CES5A: variants seen among roughly 807,000 people sequenced by gnomAD.
The protein encoded by CES5A is carboxylesterase 5A, also known as carboxylesterase 5.
CES5A carries 67 observed loss-of-function variants against 62.9 expected under a neutral mutation model. The ratio of observed to expected loss-of-function variants is 1.07; its 90% CI spans 0.88 to 1.31. The LOEUF is 1.31. Among genes scored for constraint, CES5A ranks in the 50% most tolerant of loss-of-function variants. The pLI, the probability that CES5A is intolerant of heterozygous loss-of-function variation, is 0.00. For synonymous variants in CES5A, 296 were observed against 280.8 expected (o/e 1.05, Z -0.54); for missense variants, 748 against 708.5 (o/e 1.06, Z -0.63).
At chr16:55,892,484 T>C (rs1282649102) in intron 1 of CES5A, among the ~76,000 whole-genome samples, 1 of 152,226 alleles carries the variant, frequency 6.6e-6, no homozygotes, top group Non-Finnish European at 1.5e-5. Flanking sequence ...TTACAGAGTT[T>C]GACTCTTTTT....
At chr16:55,914,209 T>C (rs1597147987) in intron 1 of CES5A, among the ~76,000 whole-genome samples, 1 of 152,358 alleles carries the variant, frequency 6.6e-6, no homozygotes, top group South Asian at 2.1e-4. Context: ...ATATCACTTT[T>C]GTTCAGTTTC....
At chr16:55,923,866 T>G (rs1338885284) in intron 1 of CES5A, among the ~76,000 whole-genome samples, 1 of 151,846 alleles carries the variant, frequency 6.6e-6, no homozygotes, top group Non-Finnish European at 1.5e-5. Context: ...AAATTCAACA[T>G]CCCTTTATGA....
intron 1 of CES5A, among the ~76,000 whole-genome samples, chr16:55,894,813 C>G (rs1260779183): frequency 3.3e-5 from 5 of 152,122 alleles, no homozygotes; most frequent in African/African-American, 1.2e-4. Flanking sequence ...GCCTACAATG[C>G]AAGACAAATG....
chr16:55,929,733 G>A (rs550371392), upstream of CES5A, among the ~76,000 whole-genome samples: 52 of 152,314 alleles, frequency 3.4e-4, no homozygotes, highest in African/African-American at 1.2e-3. Flanking sequence ...AAGTGAGGTC[G>A]AATCATGAAA....
At chr16:55,919,286 C>T (rs1484780039) in intron 1 of CES5A, among the ~76,000 whole-genome samples, 1 of 152,240 alleles carries the variant, frequency 6.6e-6, no homozygotes, top group Admixed American at 6.5e-5. Context: ...CATATGAAGA[C>T]ATATAGTCAG....
chr16:55,950,661 A>G (rs866524034), intron 1 of CES5A, among the ~76,000 whole-genome samples: 21 of 152,068 alleles, frequency 1.4e-4, no homozygotes, highest in African/African-American at 5.1e-4. Flanking sequence ...GGAATTCCAG[A>G]AATTGGAAAT....
At chr16:55,862,076 A>G (rs2033362798) in intron 6 of CES5A, among the ~76,000 whole-genome samples, 1 of 151,496 alleles carries the variant, frequency 6.6e-6, no homozygotes, top group Non-Finnish European at 1.5e-5. Context: ...TTAAGGCCCA[A>G]CTCCTTCCCT....
At chr16:55,927,710 G>C (rs1374291262), upstream of CES5A, among the ~76,000 whole-genome samples, 6 of 152,084 alleles carry the variant, frequency 3.9e-5, no homozygotes, top group African/African-American at 1.4e-4. Context: ...AAAACAGTAT[G>C]GAGCTTTCTT....
chr16:55,936,034 G>C (rs2034371009), intron 2 of CES5A, among the ~76,000 whole-genome samples: 1 of 152,074 alleles, frequency 6.6e-6, no homozygotes, highest in African/African-American at 2.4e-5. Flanking sequence ...CCAAAGTAGG[G>C]AGCCCATGAG....
intron 10 of CES5A, among the ~76,000 whole-genome samples, 170 bp downstream of exon 10, chr16:55,852,711 G>A (rs778989977): frequency 5.9e-5 from 9 of 152,194 alleles, no homozygotes; most frequent in Non-Finnish European, 1.0e-4. Context: ...CTGAAAGGCA[G>A]GTGAATGACG....
intron 1 of CES5A, among the ~76,000 whole-genome samples, chr16:55,917,379 C>T (rs1771361594): frequency 6.6e-6 from 1 of 152,238 alleles, no homozygotes; most frequent in Admixed American, 6.5e-5. Context: ...CTGGGTGCTT[C>T]TAACTGAGGT....
rs1272054135 is a variant in CES5A at position 55,863,411 on chromosome 16, G to A, written c.747C>T (p.Ile249=). ...GGATGATGGCCACCCCACTCTCCAT[G>A]ATGGCTTTGTGGAATAAGCCTTTGG... The part of the protein sequence containing the change: ...PMAKGLFHKA[I]MESGVAIIPY... The change falls in exon 6 of 13, where the codon ATC becomes ATT. Residue 249 remains isoleucine, a synonymous_variant. Coordinates refer to ENST00000290567, the MANE Select transcript of CES5A (RefSeq NM_001143685.2). 3.1e-6 allele frequency: 5 copies of A among 1,609,562 alleles called. No homozygotes were observed. The East Asian group carries it at 8.9e-5, about 29-fold the overall frequency.
chr16:55,909,604 A>G (rs1444312531), intron 1 of CES5A, among the ~76,000 whole-genome samples: 1 of 150,966 alleles, frequency 6.6e-6, no homozygotes, highest in Non-Finnish European at 1.5e-5. Flanking sequence ...ACATGTCTGG[A>G]GGCAGAGGAA....
At chr16:55,888,450 T>C (rs1212372686) in intron 1 of CES5A, among the ~76,000 whole-genome samples, 1 of 152,180 alleles carries the variant, frequency 6.6e-6, no homozygotes, top group Non-Finnish European at 1.5e-5. Context: ...CTAGTAGATA[T>C]TCTGTTAATT....
intron 1 of CES5A, among the ~76,000 whole-genome samples, chr16:55,921,036 T>C (rs2034198912): frequency 6.6e-6 from 1 of 152,076 alleles, no homozygotes; most frequent in Non-Finnish European, 1.5e-5. Flanking sequence ...GAAAGATCAG[T>C]GAGCTTGAAG....
chr16:55,861,317 G>T, intron 7 of CES5A, 95 bp downstream of exon 7: 1 of 703,426 alleles, frequency 1.4e-6, no homozygotes. Flanking sequence ...TCTTTTCTAT[G>T]TTCCAAATTC....
rs574040541 is a variant in CES5A at position 55,922,433 on chromosome 16, G to A, written c.-256+2890C>T. On this transcript the variant is annotated intron_variant, in intron 1 of 12. Transcript: ENST00000518005. ...AAAAATAGACTACAAATCAAAGGCT[G>A]TGAAAAGGACATAAAAGGCCACTAC... 3.9e-5 allele frequency among the ~76,000 whole-genome samples: 6 copies of A among 151,940 alleles called. No individual in the cohort carries two copies. The South Asian group carries it at 1.2e-3, about 32-fold the overall frequency.
chr16:55,919,970 T>G (rs2142458264), intron 1 of CES5A, among the ~76,000 whole-genome samples: 1 of 152,286 alleles, frequency 6.6e-6, no homozygotes. Context: ...TAAGAATGCC[T>G]GAGTCTTCCA....
Position 55,846,556 on chromosome 16 carries a change from G to T in CES5A, c.1623C>A (p.Ser541Arg). 2 of 1,614,166 alleles carry T rather than the reference G, an allele frequency of 1.2e-6. No homozygotes were observed. The highest frequency in any genetic ancestry group is 1.7e-6 in the Non-Finnish European group (2 of 1,180,008). ...AGGCAGACAGGATCAGGGGGATGGT[G>T]CTGGTCCAAAAATCCACCCGCGGTT... ...LKEPRVDFWT[S>R]TIPLILSASD... is the part of the protein sequence containing the mutation. The change falls in exon 13 of 13, where the codon AGC becomes AGA. Residue 541 changes from serine to arginine, a missense_variant. Physicochemically the swap from Ser to Arg is moderately radical, Grantham distance 110. Transcript: ENST00000290567.
Sources: gnomAD v4.1 joint callset for allele counts (sites outside exome capture counted in the v4.1 genomes callset) on GRCh38, gnomAD v4.1.1 for gene constraint, MANE v1.5 for transcripts, NCBI Gene and HGNC (gene_info 2026-07-23, HGNC 2026-07-21) for gene names.